Variants in LRRIQ1 observed in about 807,000 individuals in gnomAD.
LRRIQ1 encodes leucine-rich repeat- and IQ domain-containing protein 1.
In LRRIQ1, 210 loss-of-function variants were observed where a neutral mutation model predicts 211.9. The ratio of observed to expected loss-of-function variants is 0.99; its 90% CI spans 0.89 to 1.11. The LOEUF is 1.11. Among genes scored for constraint, LRRIQ1 ranks in the 50% most tolerant of loss-of-function variants. The pLI is 0.00. For synonymous variants in LRRIQ1, 699 were observed against 650.1 expected, an observed-to-expected ratio of 1.08 and a Z score of -1.14; for missense variants, 2,136 against 1,939.5, an observed-to-expected ratio of 1.10 and a Z score of -1.90.
In LRRIQ1 at chr12:85,049,692, A is replaced by G. The variant is rs376662079; in HGVS notation, c.678+2222A>G. On this transcript the variant is annotated intron_variant, in intron 6 of 26. Transcript: ENST00000393217. ...GGCTTCTTAAAGAGTGGTTATTTAT[A>G]CTGTATCAATTTTTTCATTTCTCAT... Among the ~76,000 whole-genome samples the G allele has an allele frequency of 2.8e-4, 42 of 152,266 alleles. 1 individual carries two copies. The South Asian group carries it at 7.7e-3, about 28-fold the overall frequency.
At position 85,056,831 on chromosome 12, in the gene LRRIQ1, A is replaced by G. The variant is rs1258872431; in HGVS notation, c.2038A>G (p.Arg680Gly). The stretch of plus-strand genomic sequence containing the variant: ...AAATGACCAAGATTATGTGTTAGGT[A>G]GACATGCTCCTTGTGAGGGCTTGAG... ...KRNDQDYVLG[R>G]HAPCEGLSNY... Residue 680 changes from arginine to glycine, a missense_variant, in exon 8 of 27, where the codon AGA (arginine) becomes GGA (glycine). Transcript: ENST00000393217. The G allele has an allele frequency of 3.1e-6, 5 of 1,612,856 alleles. No individual in the cohort carries two copies. Among genetic ancestry groups the G allele is most frequent in the Non-Finnish European group, 4.2e-6 (5 of 1,179,438 alleles).
chr12:85,063,650 A>G (rs1365028704), intron 8 of LRRIQ1, among the ~76,000 whole-genome samples: 1 of 151,412 alleles, frequency 6.6e-6, no homozygotes, highest in African/African-American at 2.4e-5. Flanking sequence ...ATCTTATTAT[A>G]TTTTGTACCC....
chr12:85,119,691 GGTTTTGGTTATTCTAATAGGTACGTAGT>G (rs1887833746), intron 15 of LRRIQ1, among the ~76,000 whole-genome samples: 1 of 151,942 alleles, frequency 6.6e-6, no homozygotes, highest in Non-Finnish European at 1.5e-5. Flanking sequence ...AGTATTTCTG[GGTTTTGGTTATTCTAATAGGTACGTAGT>G]GGTATCACAT....
At chr12:85,232,200 G>GA (rs1487493040) in intron 25 of LRRIQ1, among the ~76,000 whole-genome samples, 2 of 151,782 alleles carry the variant, frequency 1.3e-5, no homozygotes, top group African/African-American at 2.4e-5. Context: ...CATATTTTAA[G>GA]AAAAAAATTA....
intron 14 of LRRIQ1, among the ~76,000 whole-genome samples, chr12:85,105,796 A>T (rs1264227033): frequency 1.4e-3 from 174 of 127,554 alleles, no homozygotes; most frequent in African/African-American, 1.7e-3. Flanking sequence ...CTTTCTTTCT[A>T]TTTTTTTTTT....
At position 85,232,559 on chromosome 12, in the gene LRRIQ1, A is replaced by G. The variant is rs924198804; in HGVS notation, c.4956-137A>G. ...TGTACATTTGTACTTATTTTTACTTATAACCTAATTTAAGAAAACTGTTGT... is the reference window on the plus strand; with the variant it reads ...TGTACATTTGTACTTATTTTTACTTGTAACCTAATTTAAGAAAACTGTTGT... On this transcript the variant is annotated intron_variant, in intron 25 of 26. Coordinates refer to ENST00000393217, the MANE Select transcript of LRRIQ1 (RefSeq NM_001079910.2). The G allele has an allele frequency of 1.5e-5, 10 of 684,294 alleles. No individual in the cohort carries two copies. In the Admixed American group the frequency reaches 1.8e-4, roughly 13 times the overall value. 42.4% of individuals were successfully genotyped at this position (684,294 alleles called of 1,614,324 possible).
intron 11 of LRRIQ1, chr12:85,076,601 T>G: frequency 1.3e-6 from 1 of 767,710 alleles, no homozygotes; most frequent in Non-Finnish European, 1.6e-6. Context: ...ATTGTAAATA[T>G]GAAAGATATG....
At chr12:85,148,750 A>C (rs1419050969) in intron 19 of LRRIQ1, among the ~76,000 whole-genome samples, 2 of 151,818 alleles carry the variant, frequency 1.3e-5, no homozygotes, top group Admixed American at 1.3e-4. Context: ...GGTTGAACTA[A>C]ATTACATTAC....
Position 85,073,099 on chromosome 12 carries a change from G to A in LRRIQ1, c.2887+1G>A. 1 of 1,584,324 alleles carries A rather than the reference G, an allele frequency of 6.3e-7. No homozygotes were observed. Among genetic ancestry groups the A allele is most frequent in the Non-Finnish European group, 8.6e-7 (1 of 1,159,258 alleles). ...CTTATCTCCCACTTATACTGGAATTGTAAGTTGTGTTTATTTTTTATTTTG... is the reference window on the plus strand; with the variant it reads ...CTTATCTCCCACTTATACTGGAATTATAAGTTGTGTTTATTTTTTATTTTG... On this transcript the variant is annotated splice_donor_variant, in intron 11 of 26. Coordinates refer to ENST00000393217, the MANE Select transcript of LRRIQ1 (RefSeq NM_001079910.2). LOFTEE classifies it high-confidence loss of function.
chr12:85,125,162 G>A (rs1888290479), intron 17 of LRRIQ1, among the ~76,000 whole-genome samples: 1 of 152,114 alleles, frequency 6.6e-6, no homozygotes, highest in South Asian at 2.1e-4. Flanking sequence ...CAGGGTGACA[G>A]AGCGAGACTC....
chr12:85,091,063 G>T (rs1885344803), intron 11 of LRRIQ1, among the ~76,000 whole-genome samples: 1 of 151,990 alleles, frequency 6.6e-6, no homozygotes, highest in Non-Finnish European at 1.5e-5. Flanking sequence ...TGTGGCATCT[G>T]CCCCCTCTCT....
intron 11 of LRRIQ1, among the ~76,000 whole-genome samples, chr12:85,095,506 A>G (rs913713871): frequency 6.6e-6 from 1 of 151,992 alleles, no homozygotes; most frequent in Non-Finnish European, 1.5e-5. Flanking sequence ...GTGCTGCTAG[A>G]TTTGGTTTGC....
At chr12:85,239,950 C>A (rs1327223152) in intron 26 of LRRIQ1, among the ~76,000 whole-genome samples, 3 of 151,996 alleles carry the variant, frequency 2.0e-5, no homozygotes, top group Non-Finnish European at 4.4e-5. Flanking sequence ...TGCACTGCAG[C>A]CTGGGCAACA....
chr12:85,093,267 T>C (rs1286332058), intron 11 of LRRIQ1, among the ~76,000 whole-genome samples: 2 of 152,208 alleles, frequency 1.3e-5, no homozygotes, highest in Non-Finnish European at 2.9e-5. Context: ...CTACCATGAC[T>C]GGACAGCTTT....
rs539599612 is a variant in LRRIQ1, at chr12:85,118,416, A to G, written c.3378-3281A>G. On this transcript the variant is annotated intron_variant, in intron 15 of 26. Transcript: ENST00000393217. ...CTTCCCTTATTTAAATATTGATGAGAAAAAAGGTTTCAGTTTTCTTTCAGG... is the reference window on the plus strand; with the variant it reads ...CTTCCCTTATTTAAATATTGATGAGGAAAAAGGTTTCAGTTTTCTTTCAGG... Among the ~76,000 whole-genome samples the G allele has an allele frequency of 2.6e-5, 4 of 152,210 alleles. No homozygotes were observed. In the South Asian group the frequency reaches 6.2e-4, roughly 24 times the overall value.
At chr12:85,197,242 A>G (rs1892970088) in intron 24 of LRRIQ1, among the ~76,000 whole-genome samples, 1 of 151,750 alleles carries the variant, frequency 6.6e-6, no homozygotes, top group Non-Finnish European at 1.5e-5. Flanking sequence ...ACTTTAAACT[A>G]GTTCAACCAT....
intron 17 of LRRIQ1, among the ~76,000 whole-genome samples, chr12:85,127,099 A>G (rs1592846281): frequency 6.6e-6 from 1 of 152,206 alleles, no homozygotes; most frequent in East Asian, 1.9e-4. Flanking sequence ...CTAATAATCT[A>G]TGTTGGGAAA....
At chr12:85,198,735 T>C (rs1055150480) in intron 24 of LRRIQ1, among the ~76,000 whole-genome samples, 3 of 151,896 alleles carry the variant, frequency 2.0e-5, no homozygotes, top group Admixed American at 1.3e-4. Context: ...GCTCGGCTAA[T>C]TTTTTTGTAT....
chr12:85,045,902 T>C (rs1437494638), intron 4 of LRRIQ1, 118 bp from the exon 5 acceptor site: 1 of 488,694 alleles, frequency 2.0e-6, no homozygotes, highest in Non-Finnish European at 3.6e-6. Context: ...TTGAGAGATA[T>C]CTGGAGTACA....
Sources: gnomAD v4.1 joint callset for allele counts (sites outside exome capture counted in the v4.1 genomes callset) on GRCh38, gnomAD v4.1.1 for gene constraint, MANE v1.5 for transcripts, NCBI Gene and HGNC (gene_info 2026-07-23, HGNC 2026-07-21) for gene names.